The following COL4A1 variants were observed in gnomAD, a reference collection of about 807,000 sequenced individuals.
COL4A1 encodes collagen alpha-1(IV) chain.
Under a neutral mutation model 216.6 loss-of-function variants are expected in COL4A1, and 40 were observed. The ratio of observed to expected loss-of-function variants is 0.18; its 90% CI spans 0.14 to 0.24. The LOEUF is 0.24. Ranked by LOEUF, COL4A1 falls within the 10% of genes least tolerant of loss-of-function variation. The probability of loss-of-function intolerance (pLI) is 1.00; values close to 1 mark genes in which losing one functional copy is unlikely to be tolerated. For missense variants in COL4A1, 1,628 were observed against 2,196.8 expected (o/e 0.74, Z 5.18); for synonymous variants, 839 against 810.7 (o/e 1.03, Z -0.59).
chr13:110,210,844 A>G (rs900758334), intron 8 of COL4A1, among the ~76,000 whole-genome samples: 8 of 152,110 alleles, frequency 5.3e-5, no homozygotes, highest in Non-Finnish European at 8.8e-5. Flanking sequence ...AATTCTGCCC[A>G]CACACCACCT....
At chr13:110,302,148 T>C (rs1311499282) in intron 1 of COL4A1, among the ~76,000 whole-genome samples, 4 of 152,014 alleles carry the variant, frequency 2.6e-5, no homozygotes, top group East Asian at 1.9e-4. Flanking sequence ...GTAGGAGACT[T>C]TGTGACTGAG....
At chr13:110,258,532 T>A (rs1280556387) in intron 1 of COL4A1, among the ~76,000 whole-genome samples, 1 of 152,108 alleles carries the variant, frequency 6.6e-6, no homozygotes, top group Non-Finnish European at 1.5e-5. Flanking sequence ...AGAGTGAGAC[T>A]TCATCTCAAA....
rs111426156 is a variant in COL4A1 at position 110,274,985 on chromosome 13, G to A, written c.84+31959C>T. ...TCCTTGCTCGCAGCCGTCACCTTCC[G>A]CTCATTCCCCAAGGAAGATGACCAA... On this transcript the variant is annotated intron_variant, in intron 1 of 51. Coordinates refer to ENST00000375820, the MANE Select transcript of COL4A1 (RefSeq NM_001845.6). Among the ~76,000 whole-genome samples the A allele has an allele frequency of 5.9e-3, 899 of 152,198 alleles. 14 individuals are homozygous for A. The highest frequency in any genetic ancestry group is 0.02 in the African/African-American group (845 of 41,526).
intron 23 of COL4A1, 75 bp from the exon 24 acceptor site, chr13:110,192,359 C>T: frequency 1.4e-6 from 2 of 1,396,440 alleles, no homozygotes; most frequent in East Asian, 2.3e-5. Flanking sequence ...TCTTAAGACT[C>T]AAAAGCATAA....
At chr13:110,288,262 CAAA>C (rs67261918) in intron 1 of COL4A1, among the ~76,000 whole-genome samples, 6,012 of 144,848 alleles carry the variant, frequency 0.042, 442 homozygotes, top group African/African-American at 0.15. Flanking sequence ...AACTCCCTCT[CAAA>C]AAAAAAAAAA....
At chr13:110,209,221 T>C (rs1486317593) in intron 11 of COL4A1, among the ~76,000 whole-genome samples, 171 bp downstream of exon 11, 1 of 152,202 alleles carries the variant, frequency 6.6e-6, no homozygotes. Flanking sequence ...TATTGATAGA[T>C]AATCAATAGA....
chr13:110,265,410 A>T (rs967866837), intron 1 of COL4A1: 5 of 152,232 alleles, frequency 3.3e-5, no homozygotes, highest in African/African-American at 1.2e-4. Context: ...AGCCTGAGGC[A>T]CCCTAAACTA....
chr13:110,229,509 T>C (rs1880907800), intron 2 of COL4A1, among the ~76,000 whole-genome samples: 2 of 152,202 alleles, frequency 1.3e-5, no homozygotes, highest in Admixed American at 1.3e-4. Flanking sequence ...GTGTCCTGCA[T>C]CCCAGGATAA....
intron 2 of COL4A1, among the ~76,000 whole-genome samples, chr13:110,224,740 G>T (rs1880658580): frequency 6.6e-6 from 1 of 152,190 alleles, no homozygotes; most frequent in South Asian, 2.1e-4. Context: ...GCCAATTAGT[G>T]CCTAAGTACT....
intron 2 of COL4A1, among the ~76,000 whole-genome samples, chr13:110,238,483 T>C (rs1465275903): frequency 6.6e-6 from 1 of 152,232 alleles, no homozygotes; most frequent in Non-Finnish European, 1.5e-5. Flanking sequence ...CCTGGCAAAT[T>C]AGTGAGGACA....
At chr13:110,165,952 G>A (rs1468986678) in intron 45 of COL4A1, among the ~76,000 whole-genome samples, 1 of 152,128 alleles carries the variant, frequency 6.6e-6, no homozygotes, top group Non-Finnish European at 1.5e-5. Context: ...GCCTTGGGAA[G>A]TTTCTGAATT....
intron 1 of COL4A1, among the ~76,000 whole-genome samples, chr13:110,246,383 T>A (rs539379635): frequency 2.0e-5 from 3 of 149,840 alleles, no homozygotes; most frequent in African/African-American, 7.3e-5. Context: ...GAGTACCCCC[T>A]TCACTCAGGT....
At chr13:110,154,868 G>A (rs12866608) in intron 50 of COL4A1, among the ~76,000 whole-genome samples, 5 of 152,244 alleles carry the variant, frequency 3.3e-5, no homozygotes, top group African/African-American at 4.8e-5. Flanking sequence ...TAGTCATATG[G>A]AGAAGCTGGT....
At chr13:110,200,951 T>C in intron 19 of COL4A1, 62 bp from the exon 20 acceptor site, 1 of 1,554,678 alleles carries the variant, frequency 6.4e-7, no homozygotes, top group Non-Finnish European at 8.9e-7. Context: ...ATACACTTCT[T>C]ATTTCTCTAC....
intron 2 of COL4A1, among the ~76,000 whole-genome samples, chr13:110,221,483 C>T (rs1299292374): frequency 3.3e-5 from 5 of 152,152 alleles, no homozygotes; most frequent in Non-Finnish European, 7.3e-5. Flanking sequence ...AACCATCTGA[C>T]GTCCCCGATC....
At chr13:110,218,688 C>T (rs1009341050) in intron 2 of COL4A1, among the ~76,000 whole-genome samples, 3 of 152,214 alleles carry the variant, frequency 2.0e-5, no homozygotes, top group African/African-American at 7.2e-5. Flanking sequence ...CCCCCGTCGC[C>T]TTTGCAGTCC....
intron 1 of COL4A1, among the ~76,000 whole-genome samples, chr13:110,255,987 T>C (rs77112105): frequency 0.029 from 4,190 of 145,576 alleles, 516 homozygotes; most frequent in African/African-American, 0.11. Flanking sequence ...GAGAAGGTAA[T>C]AGGTCTCATT....
intron 1 of COL4A1, among the ~76,000 whole-genome samples, chr13:110,270,463 G>A (rs978770805): frequency 6.1e-4 from 93 of 152,202 alleles, no homozygotes; most frequent in African/African-American, 2.2e-3. Context: ...AAAAGGAAGA[G>A]CTATCAGTTT....
intron 14 of COL4A1, 33 bp from the exon 15 acceptor site, chr13:110,206,748 C>G (rs375339926): frequency 1.2e-6 from 2 of 1,612,368 alleles, no homozygotes; most frequent in African/African-American, 1.3e-5. Flanking sequence ...GAGATTTATT[C>G]GTCTATTTAA....
Sources: allele counts gnomAD v4.1 joint callset (sites outside exome capture counted in the v4.1 genomes callset), GRCh38; gene constraint gnomAD v4.1.1; transcripts MANE v1.5; gene names NCBI Gene and HGNC (gene_info 2026-07-23, HGNC 2026-07-21).